Variants in RFTN2 observed in about 807,000 individuals in gnomAD.
RFTN2 encodes raftlin-2.
Under a neutral mutation model 52.7 loss-of-function variants are expected in RFTN2, and 34 were observed. That is an observed-to-expected ratio of 0.64 (90% CI 0.49 to 0.86). The LOEUF (loss-of-function observed/expected upper bound fraction) is 0.86. Ranked by LOEUF, RFTN2 falls within the 40% of genes least tolerant of loss-of-function variation. The pLI is 0.00. For synonymous variants in RFTN2, 203 were observed against 217.7 expected, an observed-to-expected ratio of 0.93 and a Z score of 0.59; for missense variants, 536 against 600.1, an observed-to-expected ratio of 0.89 and a Z score of 1.12.
At chr2:197,593,145 C>T (rs1023825705) in intron 8 of RFTN2, among the ~76,000 whole-genome samples, 3 of 152,106 alleles carry the variant, frequency 2.0e-5, no homozygotes, top group Admixed American at 6.5e-5. Flanking sequence ...ACTATATATA[C>T]TTCCCATTAT....
chr2:197,596,024 T>G lies in RFTN2; in HGVS notation c.1200A>C (p.Pro400=), dbSNP rs77442629. 10,512 of 1,612,402 alleles carry G rather than the reference T, an allele frequency of 6.5e-3. 37 individuals carry two copies. The highest frequency in any genetic ancestry group is 8.3e-3 in the Non-Finnish European group (9,816 of 1,178,596). The part of the protein sequence containing the change: ...ATKQIVFLQR[P]VMWNSAAQTP... ...TTTGAGCAGCTGAATTCCACATAACTGGCCTCTGAAGGAATACGATCTGCT... is the reference window on the plus strand; with the variant it reads ...TTTGAGCAGCTGAATTCCACATAACGGGCCTCTGAAGGAATACGATCTGCT... The change falls in exon 8 of 9, where the codon CCA becomes CCC. Residue 400 remains proline (P), a synonymous_variant. Transcript: ENST00000295049.
Position 197,617,939 on chromosome 2 carries a change from CA to C in RFTN2, c.929-19del, listed in dbSNP as rs765197091. 7.0e-6 allele frequency: 11 copies of C among 1,582,378 alleles called. No individual in the cohort carries two copies. The highest frequency in any genetic ancestry group is 9.5e-6 in the Non-Finnish European group (11 of 1,163,126). The stretch of plus-strand genomic sequence containing the variant: ...ATGTTCCCCTGTGAGGAAGAGGGTA[CA>C]ATTAAGAAGGGTTGTAAATACTAAG... On this transcript the variant is annotated intron_variant, in intron 5 of 8. Transcript: ENST00000295049.
At chr2:197,625,846 C>T (rs1335121204) in intron 5 of RFTN2, among the ~76,000 whole-genome samples, 1 of 151,532 alleles carries the variant, frequency 6.6e-6, no homozygotes, top group Non-Finnish European at 1.5e-5. Flanking sequence ...CAGTGCAGTG[C>T]AGTGGTGTGA....
intron 7 of RFTN2, among the ~76,000 whole-genome samples, chr2:197,607,880 A>G (rs913962044): frequency 6.6e-6 from 1 of 152,188 alleles, no homozygotes; most frequent in Admixed American, 6.5e-5. Context: ...ATTTATGTTC[A>G]GATGAGAAAG....
intron 1 of RFTN2, among the ~76,000 whole-genome samples, chr2:197,648,975 T>C (rs1415876642): frequency 1.3e-5 from 2 of 152,242 alleles, no homozygotes; most frequent in Non-Finnish European, 2.9e-5. Flanking sequence ...GAAAGGAACC[T>C]ACTGTATTCA....
chr2:197,579,853 A>T (rs998101736), intron 8 of RFTN2, among the ~76,000 whole-genome samples: 2 of 151,954 alleles, frequency 1.3e-5, no homozygotes, highest in Admixed American at 6.6e-5. Flanking sequence ...TAATCCTTCT[A>T]TCACTGCCCC....
At chr2:197,589,249 A>AAAAAAAAAC in intron 8 of RFTN2, among the ~76,000 whole-genome samples, 1 of 148,906 alleles carries the variant, frequency 6.7e-6, no homozygotes, top group Admixed American at 6.7e-5. Flanking sequence ...AAAAAAAAAA[A>AAAAAAAAAC]AAAAGGAGTT....
At chr2:197,586,025 C>A (rs777633297) in intron 8 of RFTN2, among the ~76,000 whole-genome samples, 1 of 152,194 alleles carries the variant, frequency 6.6e-6, no homozygotes, top group African/African-American at 2.4e-5. Context: ...ATCTCCAAAG[C>A]CCAACTACAC....
chr2:197,660,474 A>C (rs963796202), intron 1 of RFTN2, among the ~76,000 whole-genome samples: 6 of 152,174 alleles, frequency 3.9e-5, no homozygotes, highest in African/African-American at 1.4e-4. Context: ...AGTATTTTAC[A>C]TATTTATGAA....
intron 3 of RFTN2, among the ~76,000 whole-genome samples, chr2:197,640,983 A>G (rs1307450267): frequency 6.6e-6 from 1 of 152,206 alleles, no homozygotes; most frequent in Non-Finnish European, 1.5e-5. Flanking sequence ...TTCTACTCAT[A>G]GGTGCTCTAT....
rs759084271 is a variant in RFTN2 at position 197,633,937 on chromosome 2, G to T, written c.499C>A (p.Pro167Thr). The change falls in exon 4 of 9, where the codon CCA becomes ACA. Residue 167 changes from proline to threonine, a missense_variant. Coordinates refer to ENST00000295049, the MANE Select transcript of RFTN2 (RefSeq NM_144629.3). ...TTGGTTCCATTGCAGAATTTAGATGGAGAATAATGCTGTGATATGAATCCA... is the reference window on the plus strand; with the variant it reads ...TTGGTTCCATTGCAGAATTTAGATGTAGAATAATGCTGTGATATGAATCCA... ...FVGFISQHYSPSKFCNGTNHD... is the reference protein window; with the variant it reads ...FVGFISQHYSTSKFCNGTNHD... 1.2e-6 allele frequency: 2 copies of T among 1,613,220 alleles called. No individual in the cohort carries two copies. Among genetic ancestry groups the T allele is most frequent in the Admixed American group, 1.7e-5 (1 of 59,984 alleles).
At chr2:197,613,855 C>T (rs913513057) in intron 7 of RFTN2, among the ~76,000 whole-genome samples, 4 of 152,160 alleles carry the variant, frequency 2.6e-5, no homozygotes, top group African/African-American at 7.2e-5. Flanking sequence ...TGTAGTGAGC[C>T]TTGTTGCATA....
chr2:197,674,286 A>G (rs2089184748), intron 1 of RFTN2, among the ~76,000 whole-genome samples: 1 of 150,548 alleles, frequency 6.6e-6, no homozygotes, highest in Non-Finnish European at 1.5e-5. Flanking sequence ...TTGACAAAGA[A>G]AAATGGGCTG....
chr2:197,605,272 T>A (rs1574700050), intron 7 of RFTN2, among the ~76,000 whole-genome samples: 1 of 151,226 alleles, frequency 6.6e-6, no homozygotes, highest in African/African-American at 2.4e-5. Flanking sequence ...CAGGCTAGAG[T>A]GCACGCAATC....
intron 1 of RFTN2, among the ~76,000 whole-genome samples, chr2:197,671,195 C>T (rs2089142993): frequency 6.6e-6 from 1 of 152,210 alleles, no homozygotes; most frequent in African/African-American, 2.4e-5. Context: ...TCCCATTTCC[C>T]ATCAGTTTAG....
At chr2:197,586,051 T>C (rs1485831020) in intron 8 of RFTN2, among the ~76,000 whole-genome samples, 2 of 152,182 alleles carry the variant, frequency 1.3e-5, no homozygotes, top group East Asian at 1.9e-4. Flanking sequence ...ACTGAAACAA[T>C]TGGAGCCTCC....
chr2:197,605,547 G>A (rs527929793), intron 7 of RFTN2, among the ~76,000 whole-genome samples: 1 of 152,230 alleles, frequency 6.6e-6, no homozygotes, highest in African/African-American at 2.4e-5. Context: ...GAAGTTTTTA[G>A]GAATTCATTC....
chr2:197,593,670 C>T (rs1374279642), intron 8 of RFTN2, among the ~76,000 whole-genome samples: 3 of 151,896 alleles, frequency 2.0e-5, no homozygotes, highest in Admixed American at 6.6e-5. Context: ...GGGGGGATCT[C>T]GAGGTCAGGA....
intron 7 of RFTN2, among the ~76,000 whole-genome samples, chr2:197,608,922 G>T (rs1401447566): frequency 1.3e-5 from 2 of 151,992 alleles, no homozygotes; most frequent in Non-Finnish European, 2.9e-5. Context: ...TGAGAATGAT[G>T]GTTTCCAGTT....
Sources: gnomAD v4.1 joint callset for allele counts (sites outside exome capture counted in the v4.1 genomes callset) on GRCh38, gnomAD v4.1.1 for gene constraint, MANE v1.5 for transcripts, NCBI Gene and HGNC (gene_info 2026-07-23, HGNC 2026-07-21) for gene names.